IPO9: variants seen among roughly 807,000 people sequenced by gnomAD.
IPO9 encodes importin-9.
A neutral mutation model predicts 128.6 loss-of-function variants in IPO9; 28 were observed. The ratio of observed to expected loss-of-function variants is 0.22; its 90% CI spans 0.16 to 0.30. The LOEUF (loss-of-function observed/expected upper bound fraction) is 0.30. Ranked by LOEUF, IPO9 falls within the 10% of genes least tolerant of loss-of-function variation. The pLI is 1.00. For synonymous variants in IPO9, 455 were observed against 475.8 expected (o/e 0.96, Z 0.57); for missense variants, 935 against 1,293.9 (o/e 0.72, Z 4.26).
intron 1 of IPO9, among the ~76,000 whole-genome samples, chr1:201,843,481 T>A (rs1266420992): frequency 1.3e-5 from 2 of 152,228 alleles, no homozygotes; most frequent in African/African-American, 4.8e-5. Context: ...TCTTTCACCT[T>A]TATCCTTCAG....
At chr1:201,841,954 A>G (rs1471451933) in intron 1 of IPO9, among the ~76,000 whole-genome samples, 2 of 152,194 alleles carry the variant, frequency 1.3e-5, no homozygotes, top group African/African-American at 4.8e-5. Context: ...GATCTCAAAA[A>G]TATGTGGAGA....
At chr1:201,834,666 C>G (rs1056820265) in intron 1 of IPO9, among the ~76,000 whole-genome samples, 3 of 152,184 alleles carry the variant, frequency 2.0e-5, no homozygotes, top group African/African-American at 7.2e-5. Flanking sequence ...ACATTTTCTT[C>G]TTTGCTTATT....
intron 6 of IPO9, among the ~76,000 whole-genome samples, chr1:201,854,034 C>T (rs558332742): frequency 1.6e-4 from 24 of 152,326 alleles, no homozygotes; most frequent in Admixed American, 2.6e-4. Flanking sequence ...CCATGCCCAG[C>T]CTAATGAATT....
rs751748827 is a variant in IPO9 at position 201,866,889 on chromosome 1, C to T, written c.1785C>T (p.Pro595=). The T allele has an allele frequency of 8.7e-6, 14 of 1,614,012 alleles. No homozygotes were observed. Among genetic ancestry groups the T allele is most frequent in the South Asian group, 1.1e-5 (1 of 91,090 alleles). ...TGTGCATCGTTTGTACAGTAGACCC[C>T]GAATTCACAGCAAGCATGGAAAGCA... ...ETLCIVCTVD[P]EFTASMESKI... The change falls in exon 15 of 24, where the codon CCC becomes CCT. Residue 595 remains proline (P), a synonymous_variant. Transcript: ENST00000361565.
intron 1 of IPO9, chr1:201,835,059 A>G (rs1343665880): frequency 6.6e-6 from 1 of 152,266 alleles, no homozygotes; most frequent in Non-Finnish European, 1.5e-5. Context: ...CCACGCTCGG[A>G]AAAAGGCCAG....
rs1455431887 is a variant in IPO9 at position 201,883,037 on chromosome 1, C to G, written c.*6983C>G. On this transcript the variant is annotated 3_prime_UTR_variant, in exon 24 of 24. Coordinates refer to ENST00000361565, the MANE Select transcript of IPO9 (RefSeq NM_018085.5). ...GACAGCTCTGAGGAATGAATTGTAGCACTGCAGCCCTGCCTGAGGAACATG... is the reference window on the plus strand; with the variant it reads ...GACAGCTCTGAGGAATGAATTGTAGGACTGCAGCCCTGCCTGAGGAACATG... 1 of 152,630 alleles carries G rather than the reference C, an allele frequency of 6.6e-6. No homozygotes were observed. Among genetic ancestry groups the G allele is most frequent in the African/African-American group, 2.4e-5 (1 of 41,442 alleles). The allele number at this position is 152,630 out of a possible 1,614,324, so 9.5% of individuals were successfully genotyped here.
intron 20 of IPO9, among the ~76,000 whole-genome samples, 160 bp from the exon 21 acceptor site, chr1:201,874,090 A>G (rs1680713864): frequency 6.6e-6 from 1 of 152,178 alleles, no homozygotes; most frequent in Non-Finnish European, 1.5e-5. Flanking sequence ...CAATAAAGTT[A>G]TTTAACTTTA....
rs573099773 is a variant in IPO9 at position 201,849,312 on chromosome 1, A to G, written c.514+718A>G. The stretch of plus-strand genomic sequence containing the variant: ...TCAATCCCTCCCAGAATCTGCTTTC[A>G]TATATCCTTAGGGATGGCCTGAGTT... On this transcript the variant is annotated intron_variant, in intron 4 of 23. Coordinates refer to ENST00000361565, the MANE Select transcript of IPO9 (RefSeq NM_018085.5). Among the ~76,000 whole-genome samples the G allele has an allele frequency of 2.6e-4, 40 of 152,274 alleles. No homozygotes were observed. The South Asian group carries it at 8.3e-3, about 32-fold the overall frequency.
At chr1:201,875,347 T>C (rs1680742503) in intron 23 of IPO9, 119 bp downstream of exon 23, 1 of 904,350 alleles carries the variant, frequency 1.1e-6, no homozygotes, top group Non-Finnish European at 1.8e-6. Flanking sequence ...CCCAACACTT[T>C]GGGAGGTCAA....
In IPO9 at chr1:201,848,491, C is replaced by T. The variant is rs191366856; in HGVS notation, c.411C>T (p.His137=). The T allele has an allele frequency of 6.2e-7, 1 of 1,614,192 alleles. No individual in the cohort carries two copies. The highest frequency in any genetic ancestry group is 8.5e-7 in the Non-Finnish European group (1 of 1,180,028). Residue 137 remains histidine, a synonymous_variant, in exon 4 of 24, where the codon CAC becomes CAT. Transcript: ENST00000361565. ...CCTATGCAGTGTCAGCCATTGCCCA[C>T]TGGGACTGGCCTGAAGCTTGGCCCC... The part of the protein sequence containing the change: ...SVAYAVSAIA[H]WDWPEAWPQL...
Position 201,883,455 on chromosome 1 carries a change from G to T in IPO9, c.*7401G>T, listed in dbSNP as rs1680927164. 6.6e-6 allele frequency: 1 copy of T among 152,208 alleles called. No homozygotes were observed. Among genetic ancestry groups the T allele is most frequent in the Non-Finnish European group, 1.5e-5 (1 of 68,056 alleles). 9.4% of individuals were successfully genotyped at this position (152,208 alleles called of 1,614,324 possible). A position where few individuals can be genotyped will look rare whatever the true frequency, so the allele number is the denominator to read the frequency against. The stretch of plus-strand genomic sequence containing the variant: ...TGATTGTGGCAAAGCACCTGGAGAT[G>T]ATAGAACTTCCTAGGGAAAAGGCTG... On this transcript the variant is annotated 3_prime_UTR_variant, in exon 24 of 24. Transcript: ENST00000361565.
At chr1:201,836,813 AACATGTGGTCATGTTGG>A (rs1309692724) in intron 1 of IPO9, among the ~76,000 whole-genome samples, 11 of 152,288 alleles carry the variant, frequency 7.2e-5, no homozygotes, top group Admixed American at 7.2e-4. Context: ...GAGGCTTTGA[AACATGTGGTCATGTTGG>A]ACATGTGGTC....
intron 13 of IPO9, among the ~76,000 whole-genome samples, chr1:201,860,077 G>T (rs980951187): frequency 7.2e-5 from 11 of 152,146 alleles, no homozygotes; most frequent in African/African-American, 2.7e-4. Flanking sequence ...GCCATGCCAT[G>T]CCTTTTCTCA....
intron 1 of IPO9, among the ~76,000 whole-genome samples, chr1:201,839,474 T>C (rs1679997407): frequency 7.1e-6 from 1 of 141,070 alleles, no homozygotes; most frequent in South Asian, 2.2e-4. Flanking sequence ...GGCAGGAGAA[T>C]GGCGGGAACC....
At chr1:201,830,062 G>A (rs1679804415) in intron 1 of IPO9, among the ~76,000 whole-genome samples, 1 of 152,144 alleles carries the variant, frequency 6.6e-6, no homozygotes, top group Non-Finnish European at 1.5e-5. Flanking sequence ...CCTCTATTGT[G>A]TGCTTTAAAG....
At chr1:201,841,092 TA>T (rs1680027504) in intron 1 of IPO9, among the ~76,000 whole-genome samples, 1 of 152,162 alleles carries the variant, frequency 6.6e-6, no homozygotes. Flanking sequence ...AGGGAGGCAC[TA>T]AAAATGGAGC....
rs1301051109 is a variant in IPO9, at chr1:201,871,330, A to T, written c.2576+3A>T. 1 of 1,466,276 alleles carries T rather than the reference A, an allele frequency of 6.8e-7. No homozygotes were observed. The highest frequency in any genetic ancestry group is 1.5e-5 in the African/African-American group (1 of 68,636). 90.8% of individuals were successfully genotyped at this position (1,466,276 alleles called of 1,614,324 possible). ...GGACAGTATGAAGGCAAAGTCAGGTAGAACCTCATCTTTCTTTTCTGGGCA... is the reference window on the plus strand; with the variant it reads ...GGACAGTATGAAGGCAAAGTCAGGTTGAACCTCATCTTTCTTTTCTGGGCA... On this transcript the variant is annotated splice_donor_region_variant and intron_variant, in intron 19 of 23. Coordinates refer to ENST00000361565, the MANE Select transcript of IPO9 (RefSeq NM_018085.5).
chr1:201,876,451 T>C lies in IPO9; in HGVS notation c.*397T>C. 15 of 350,562 alleles carry C rather than the reference T, an allele frequency of 4.3e-5. No individual in the cohort carries two copies. Among genetic ancestry groups the C allele is most frequent in the South Asian group, 3.4e-4 (15 of 44,654 alleles). 21.7% of individuals were successfully genotyped at this position (350,562 alleles called of 1,614,324 possible). Reference sequence around the variant, plus strand: ...CCATTTATATTCTAAAACAGACCTATCTATGTTCATAGGACTTCTGATGTG... The same window carrying C: ...CCATTTATATTCTAAAACAGACCTACCTATGTTCATAGGACTTCTGATGTG... On this transcript the variant is annotated 3_prime_UTR_variant, in exon 24 of 24. Coordinates refer to ENST00000361565, the MANE Select transcript of IPO9 (RefSeq NM_018085.5).
chr1:201,848,011 A>G (rs1453454223), intron 3 of IPO9, among the ~76,000 whole-genome samples: 1 of 152,316 alleles, frequency 6.6e-6, no homozygotes, highest in East Asian at 1.9e-4. Flanking sequence ...ATTTTGAGGT[A>G]TAAGGTCTGG....
Sources: allele counts gnomAD v4.1 joint callset (sites outside exome capture counted in the v4.1 genomes callset), GRCh38; gene constraint gnomAD v4.1.1; transcripts MANE v1.5; gene names NCBI Gene and HGNC (gene_info 2026-07-23, HGNC 2026-07-21).